The following EML6 variants were observed in gnomAD, a reference collection of about 807,000 sequenced individuals.
EML6 encodes the protein EMAP like 6, also known as echinoderm microtubule-associated protein-like 6.
EML6 carries 154 observed loss-of-function variants against 240.1 expected under a neutral mutation model. That is an observed-to-expected ratio of 0.64 (90% CI 0.56 to 0.73). EML6 has a LOEUF of 0.73. Among genes scored for constraint, EML6 ranks in the 30% least tolerant of loss-of-function variants. EML6 has a pLI of 0.00. For synonymous variants in EML6, 1,148 were observed against 899.0 expected (o/e 1.28, Z -4.95); for missense variants, 2,964 against 2,474.6 (o/e 1.20, Z -4.20).
At chr2:54,799,389 C>T (rs543196444) in intron 2 of EML6, among the ~76,000 whole-genome samples, 8 of 150,960 alleles carry the variant, frequency 5.3e-5, no homozygotes, top group Admixed American at 1.3e-4. Flanking sequence ...TAAGATGGAG[C>T]CTCTGGTGTG....
intron 13 of EML6, among the ~76,000 whole-genome samples, chr2:54,865,730 G>C (rs1371019): frequency 7.9e-5 from 12 of 152,202 alleles, no homozygotes; most frequent in Admixed American, 7.9e-4. Flanking sequence ...AAACATTTCA[G>C]ATAAGGAATA....
rs1194077523 is a variant in EML6 at position 54,895,035 on chromosome 2, C to G, written c.2854+9C>G. 1.3e-6 allele frequency: 2 copies of G among 1,527,436 alleles called. No homozygotes were observed. The highest frequency in any genetic ancestry group is 1.8e-6 in the Non-Finnish European group (2 of 1,124,888). The allele number at this position is 1,527,436 out of a possible 1,614,324, so 94.6% of individuals were successfully genotyped here. On this transcript the variant is annotated intron_variant, in intron 20 of 41. Transcript: ENST00000356458. The stretch of plus-strand genomic sequence containing the variant: ...GTCGACTAGCTCAAAAGGTGCCACT[C>G]CCAAACATGTAATAGAGATCTTTGT...
intron 2 of EML6, among the ~76,000 whole-genome samples, chr2:54,767,545 A>G (rs1446348246): frequency 6.6e-6 from 1 of 151,754 alleles, no homozygotes; most frequent in East Asian, 1.9e-4. Context: ...TGTGTATCAC[A>G]TATTTACTGA....
chr2:54,780,258 A>C lies in EML6; in HGVS notation c.198-32974A>C, dbSNP rs1321289822. On this transcript the variant is annotated intron_variant, in intron 2 of 41. Coordinates refer to ENST00000356458, the MANE Select transcript of EML6 (RefSeq NM_001039753.4). The stretch of plus-strand genomic sequence containing the variant: ...TGTAATTAGAAATGAATAATTAGTT[A>C]GATATGATAAAAATGACTTTCAGTC... Among the ~76,000 whole-genome samples the C allele has an allele frequency of 2.0e-5, 3 of 152,370 alleles. No individual in the cohort carries two copies. In the East Asian group the frequency reaches 5.8e-4, roughly 29 times the overall value.
intron 17 of EML6, among the ~76,000 whole-genome samples, chr2:54,887,874 A>G (rs1437313896): frequency 6.6e-6 from 1 of 152,194 alleles, no homozygotes; most frequent in African/African-American, 2.4e-5. Flanking sequence ...CTCCTGCACT[A>G]GACGGTACAT....
At position 54,797,177 on chromosome 2, in the gene EML6, A is replaced by AAAAAAAAAAAAAC. The variant is rs1558556981; in HGVS notation, c.198-16054_198-16042dup. Among the ~76,000 whole-genome samples, 772 of 132,500 alleles carry AAAAAAAAAAAAAC rather than the reference A, an allele frequency of 5.8e-3. 25 individuals are homozygous for AAAAAAAAAAAAAC. The highest frequency in any genetic ancestry group is 0.01 in the Admixed American group (129 of 12,440). The allele number at this position is 132,500 out of a possible 152,430, so 86.9% of individuals were successfully genotyped here. A position where few individuals can be genotyped will look rare whatever the true frequency, so the allele number is the denominator to read the frequency against. ...AAGACTCCATCTCAAAAAAAAAAAA[A>AAAAAAAAAAAAAC]AAAAAAAAAAAACTGTGATCTTGTA... On this transcript the variant is annotated intron_variant, in intron 2 of 41. Transcript: ENST00000356458.
chr2:54,949,245 C>G (rs907564545), intron 29 of EML6, among the ~76,000 whole-genome samples: 6 of 152,146 alleles, frequency 3.9e-5, no homozygotes, highest in Non-Finnish European at 2.9e-5. Context: ...TTTCCCTCCA[C>G]TTGGTCCCAC....
At chr2:54,795,122 T>C (rs1218049701) in intron 2 of EML6, among the ~76,000 whole-genome samples, 1 of 152,206 alleles carries the variant, frequency 6.6e-6, no homozygotes. Context: ...GGATATAAAA[T>C]GAGTATAGTG....
At chr2:54,942,081 C>G (rs1033923117) in intron 28 of EML6, among the ~76,000 whole-genome samples, 1 of 152,116 alleles carries the variant, frequency 6.6e-6, no homozygotes, top group Non-Finnish European at 1.5e-5. Context: ...TTTATTCAAA[C>G]CCCTTGATTT....
chr2:54,794,256 C>G (rs1669632947), intron 2 of EML6, among the ~76,000 whole-genome samples: 1 of 152,166 alleles, frequency 6.6e-6, no homozygotes, highest in Non-Finnish European at 1.5e-5. Context: ...CCATTACACT[C>G]AGCTGCCTAT....
At chr2:54,901,832 A>G (rs774850662) in intron 22 of EML6, among the ~76,000 whole-genome samples, 50 of 152,236 alleles carry the variant, frequency 3.3e-4, no homozygotes, top group Non-Finnish European at 6.6e-4. Context: ...ACGCTCGACA[A>G]TAAGAATGGT....
chr2:54,869,328 G>C lies in EML6; in HGVS notation c.2199G>C (p.Leu733=). 3 of 1,551,610 alleles carry C rather than the reference G, an allele frequency of 1.9e-6. No homozygotes were observed. Among genetic ancestry groups the C allele is most frequent in the African/African-American group, 1.4e-5 (1 of 73,166 alleles). ...GGCACGATGACGACATTCTCAGCCT[G>C]ACCATCCATCCAGTGAAGGACTATG... The part of the protein sequence containing the change: ...YLGHDDDILS[L]TIHPVKDYVA... The change falls in exon 15 of 42, where the codon CTG becomes CTC. Residue 733 remains leucine, a synonymous_variant. Coordinates refer to ENST00000356458, the MANE Select transcript of EML6 (RefSeq NM_001039753.4).
intron 30 of EML6, 25 bp from the exon 31 acceptor site, chr2:54,952,568 AC>A: frequency 6.7e-7 from 1 of 1,489,386 alleles, no homozygotes; most frequent in East Asian, 2.5e-5. Context: ...TCCACTGTTC[AC>A]CCTCCCATGA....
At chr2:54,801,569 G>T (rs1670150740) in intron 2 of EML6, among the ~76,000 whole-genome samples, 1 of 152,168 alleles carries the variant, frequency 6.6e-6, no homozygotes, top group Admixed American at 6.5e-5. Flanking sequence ...TGAAATAATA[G>T]AATATGGATG....
rs116787282 is a variant in EML6 at position 54,779,035 on chromosome 2, G to C, written c.198-34197G>C. 4.5e-3 allele frequency among the ~76,000 whole-genome samples: 691 copies of C among 152,274 alleles called. 5 individuals are homozygous for C. The highest frequency in any genetic ancestry group is 0.017 in the Middle Eastern group (5 of 294). ...TTACACTTTCACCTGAGAAATGACAGAGCTTCAGAATTTGATTTCTTTAAC... is the reference window on the plus strand; with the variant it reads ...TTACACTTTCACCTGAGAAATGACACAGCTTCAGAATTTGATTTCTTTAAC... On this transcript the variant is annotated intron_variant, in intron 2 of 41. Transcript: ENST00000356458.
chr2:54,820,907 C>G (rs1668303871), intron 5 of EML6, among the ~76,000 whole-genome samples: 1 of 152,136 alleles, frequency 6.6e-6, no homozygotes. Context: ...ATTCACAGTA[C>G]AAACCTATCT....
At chr2:54,798,527 C>A (rs955504948) in intron 2 of EML6, among the ~76,000 whole-genome samples, 5 of 152,146 alleles carry the variant, frequency 3.3e-5, no homozygotes, top group African/African-American at 7.2e-5. Context: ...AACTTAAGAT[C>A]TTAAGTACCT....
chr2:54,889,341 C>G (rs972374225), intron 17 of EML6, among the ~76,000 whole-genome samples: 1 of 151,894 alleles, frequency 6.6e-6, no homozygotes, highest in African/African-American at 2.4e-5. Context: ...CACACACACA[C>G]CCCGTGGTCT....
rs527820382 is a variant in EML6 at position 54,891,297 on chromosome 2, C to T, written c.2539+143C>T. On this transcript the variant is annotated intron_variant, in intron 18 of 41. Coordinates refer to ENST00000356458, the MANE Select transcript of EML6 (RefSeq NM_001039753.4). The stretch of plus-strand genomic sequence containing the variant: ...GCCTAAAAAAATTATCTCCCAAGTT[C>T]GCTTAGAACGCTTGAAGCTTAGAAC... 184 of 501,274 alleles carry T rather than the reference C, an allele frequency of 3.7e-4. 1 individual carries two copies. Among genetic ancestry groups the T allele is most frequent in the Middle Eastern group, 2.3e-3 (8 of 3,480 alleles). 31.1% of individuals were successfully genotyped at this position (501,274 alleles called of 1,614,324 possible).
Sources: gnomAD v4.1 joint callset for allele counts (sites outside exome capture counted in the v4.1 genomes callset) on GRCh38, gnomAD v4.1.1 for gene constraint, MANE v1.5 for transcripts, NCBI Gene and HGNC (gene_info 2026-07-23, HGNC 2026-07-21) for gene names.